Variants in JMJD1C observed in about 807,000 individuals in gnomAD.
JMJD1C encodes jumonji domain-containing protein 1C.
Under a neutral mutation model 245.3 loss-of-function variants are expected in JMJD1C, and 31 were observed. The observed-to-expected ratio is 0.13, with a 90% CI of 0.09 to 0.17. The LOEUF is 0.17. Ranked by LOEUF, JMJD1C falls within the 10% of genes least tolerant of loss-of-function variation. JMJD1C has a pLI of 1.00. For synonymous variants in JMJD1C, 1,057 were observed against 1,017.4 expected (o/e 1.04, Z -0.74); for missense variants, 2,691 against 3,000.2 (o/e 0.90, Z 2.41).
intron 2 of JMJD1C, among the ~76,000 whole-genome samples, chr10:63,311,806 G>A (rs1457348979): frequency 6.6e-6 from 1 of 152,112 alleles, no homozygotes; most frequent in Non-Finnish European, 1.5e-5. Flanking sequence ...GGATTAAAAA[G>A]AAGTACAAGA....
chr10:63,303,019 G>A (rs1013781736), intron 2 of JMJD1C, among the ~76,000 whole-genome samples: 4 of 152,140 alleles, frequency 2.6e-5, no homozygotes, highest in African/African-American at 9.7e-5. Flanking sequence ...CAGTATCTGG[G>A]ACTACAGGCA....
chr10:63,168,181 TAATTA>T (rs1375711669), intron 25 of JMJD1C, 47 bp from the exon 26 acceptor site: 6 of 1,337,920 alleles, frequency 4.5e-6, no homozygotes, highest in Non-Finnish European at 6.3e-6. Context: ...CGACAGAAAT[TAATTA>T]AAAAATGACA....
At chr10:63,169,540 G>GA (rs907866967) in intron 24 of JMJD1C, among the ~76,000 whole-genome samples, 15 of 152,004 alleles carry the variant, frequency 9.9e-5, no homozygotes, top group South Asian at 2.1e-4. Context: ...AGACTGTGGG[G>GA]AAAAAAAATC....
intron 1 of JMJD1C, chr10:63,428,010 C>T: frequency 1.5e-6 from 1 of 652,740 alleles, no homozygotes; most frequent in Non-Finnish European, 2.8e-6. Flanking sequence ...TCTGTGCTGT[C>T]CACTGTACTT....
chr10:63,345,181 A>G (rs1943702916), intron 2 of JMJD1C, among the ~76,000 whole-genome samples: 1 of 152,214 alleles, frequency 6.6e-6, no homozygotes, highest in African/African-American at 2.4e-5. Flanking sequence ...ACAACAGAAT[A>G]CTCATTAATA....
chr10:63,264,169 C>T (rs909634880), intron 3 of JMJD1C, among the ~76,000 whole-genome samples: 1 of 151,578 alleles, frequency 6.6e-6, no homozygotes, highest in Non-Finnish European at 1.5e-5. Flanking sequence ...ATTTAAATTG[C>T]AATAATGGAG....
intron 1 of JMJD1C, among the ~76,000 whole-genome samples, chr10:63,385,805 C>T (rs9415700): frequency 0.14 from 21,009 of 151,666 alleles, 2,094 homozygotes; most frequent in Admixed American, 0.29. Context: ...AAGCAAACTA[C>T]GATAAAAAAT....
intron 1 of JMJD1C, among the ~76,000 whole-genome samples, chr10:63,438,441 T>TCCCTGCA (rs1340676270): frequency 6.6e-6 from 1 of 152,106 alleles, no homozygotes; most frequent in Non-Finnish European, 1.5e-5. Flanking sequence ...CTAACCGCTC[T>TCCCTGCA]CCCTGCATCT....
At chr10:63,395,297 T>C (rs1948409977) in intron 1 of JMJD1C, among the ~76,000 whole-genome samples, 1 of 152,014 alleles carries the variant, frequency 6.6e-6, no homozygotes, top group South Asian at 2.1e-4. Context: ...ACTAACATGG[T>C]GAAACCCCGT....
At chr10:63,418,491 T>C (rs1949925246) in intron 1 of JMJD1C, among the ~76,000 whole-genome samples, 2 of 152,176 alleles carry the variant, frequency 1.3e-5, no homozygotes, top group African/African-American at 2.4e-5. Flanking sequence ...ATAAAACAAT[T>C]AGATTTAATC....
rs759821290 is a variant in JMJD1C at position 63,176,273 on chromosome 10, T to C, written c.7401+24A>G. 2.0e-6 allele frequency: 3 copies of C among 1,528,080 alleles called. No individual in the cohort carries two copies. In the Admixed American group the frequency reaches 5.9e-5, roughly 30 times the overall value. 94.7% of individuals were successfully genotyped at this position (1,528,080 alleles called of 1,614,324 possible). ...TAGTTCTTTCAGTCAGTAAAAAATA[T>C]GTTAGAAATAAGTTTGTATATACCT... is the stretch of plus-strand genomic sequence containing the variant. On this transcript the variant is annotated intron_variant, in intron 24 of 25. Transcript: ENST00000399262.
At chr10:63,517,633 C>G (rs1030906551) in intron 1 of JMJD1C, among the ~76,000 whole-genome samples, 1 of 152,074 alleles carries the variant, frequency 6.6e-6, no homozygotes, top group Admixed American at 6.6e-5. Context: ...AAGTTCAGTA[C>G]TTAAAGAAAT....
intron 1 of JMJD1C, among the ~76,000 whole-genome samples, chr10:63,440,353 A>AAAT (rs1554937972): frequency 3.9e-4 from 47 of 120,246 alleles, no homozygotes; most frequent in African/African-American, 1.2e-3. Context: ...AAAAAAAAAA[A>AAAT]ATATATATAT....
Position 63,367,589 on chromosome 10 carries a change from A to G in JMJD1C, c.333+12729T>C, listed in dbSNP as rs569249616. 5.3e-5 allele frequency among the ~76,000 whole-genome samples: 8 copies of G among 152,322 alleles called. No homozygotes were observed. In the South Asian group the frequency reaches 6.2e-4, roughly 12 times the overall value. Reference sequence around the variant, plus strand: ...AAACTTTAAAAACTGGAAGGCAAAAATGACTAAGAAAAATCTAACTTCAAC... The same window carrying G: ...AAACTTTAAAAACTGGAAGGCAAAAGTGACTAAGAAAAATCTAACTTCAAC... On this transcript the variant is annotated intron_variant, in intron 2 of 25. Coordinates refer to ENST00000399262, the MANE Select transcript of JMJD1C (RefSeq NM_032776.3).
chr10:63,425,382 A>G (rs1048903734), intron 1 of JMJD1C, among the ~76,000 whole-genome samples: 1 of 152,314 alleles, frequency 6.6e-6, no homozygotes, highest in East Asian at 1.9e-4. Context: ...TATGAGATTA[A>G]AAGTCTCTAT....
At chr10:63,288,741 T>C (rs1336287682) in intron 2 of JMJD1C, among the ~76,000 whole-genome samples, 1 of 151,960 alleles carries the variant, frequency 6.6e-6, no homozygotes, top group Non-Finnish European at 1.5e-5. Context: ...TAACTGGACA[T>C]GGTGGCACAT....
chr10:63,436,187 T>G (rs562421864), intron 1 of JMJD1C, among the ~76,000 whole-genome samples: 1 of 152,320 alleles, frequency 6.6e-6, no homozygotes, highest in African/African-American at 2.4e-5. Context: ...ATTTAAGTAG[T>G]AGCCGAATTC....
intron 22 of JMJD1C, among the ~76,000 whole-genome samples, chr10:63,178,612 C>G (rs560466336): frequency 6.6e-6 from 1 of 152,134 alleles, no homozygotes; most frequent in Non-Finnish European, 1.5e-5. Flanking sequence ...TAATGAACGG[C>G]AGGACAAAAT....
At chr10:63,252,760 C>T (rs751465745) in intron 3 of JMJD1C, among the ~76,000 whole-genome samples, 2 of 152,164 alleles carry the variant, frequency 1.3e-5, no homozygotes, top group Non-Finnish European at 2.9e-5. Context: ...AAGATATTCC[C>T]CCATCAGCTG....
Sources: allele counts gnomAD v4.1 joint callset (sites outside exome capture counted in the v4.1 genomes callset), GRCh38; gene constraint gnomAD v4.1.1; transcripts MANE v1.5; gene names NCBI Gene and HGNC (gene_info 2026-07-23, HGNC 2026-07-21).